PRR16: variants seen among roughly 807,000 people sequenced by gnomAD.
The protein encoded by PRR16 is protein Largen.
A neutral mutation model predicts 18.2 loss-of-function variants in PRR16; 6 were observed. The observed-to-expected ratio is 0.33, with a 90% confidence interval of 0.18 to 0.65. PRR16 has a LOEUF of 0.65. PRR16 is among the 30% of genes least tolerant of loss of function. PRR16 has a pLI of 0.74. For missense variants in PRR16, 412 were observed against 376.6 expected (o/e 1.09, Z -0.78); for synonymous variants, 151 against 147.8 (o/e 1.02, Z -0.16).
chr5:120,755,344 G>C, the PRR16 span, among the ~76,000 whole-genome samples: 1 of 152,026 alleles, frequency 6.6e-6, no homozygotes, highest in East Asian at 1.9e-4. Context: ...CAGGTACTGG[G>C]CATAGTATCC....
At chr5:120,728,760 G>T in the PRR16 span, among the ~76,000 whole-genome samples, 1 of 152,070 alleles carries the variant, frequency 6.6e-6, no homozygotes, top group Non-Finnish European at 1.5e-5. Flanking sequence ...CTAATTTTTG[G>T]CATTGTTTAC....
intron 1 of PRR16, among the ~76,000 whole-genome samples, chr5:120,548,068 C>T (rs546941290): frequency 6.6e-5 from 10 of 151,956 alleles, no homozygotes; most frequent in Non-Finnish European, 1.3e-4. Flanking sequence ...TAAAGAGATA[C>T]TGAGGACAGT....
chr5:120,503,694 A>T (rs929769824), intron 1 of PRR16, among the ~76,000 whole-genome samples: 70 of 146,832 alleles, frequency 4.8e-4, no homozygotes, highest in Middle Eastern at 3.8e-3. Context: ...AATGTGCAGG[A>T]TAGTTACATA....
At chr5:120,718,620 T>C in the PRR16 span, among the ~76,000 whole-genome samples, 1 of 152,030 alleles carries the variant, frequency 6.6e-6, no homozygotes, top group African/African-American at 2.4e-5. Flanking sequence ...CCTAAAGTTG[T>C]TAGAAATAGA....
chr5:120,576,156 A>G (rs1270077622), intron 1 of PRR16, among the ~76,000 whole-genome samples: 1 of 152,190 alleles, frequency 6.6e-6, no homozygotes, highest in Non-Finnish European at 1.5e-5. Context: ...AGGCAACAAA[A>G]GCGAAGACAA....
At chr5:120,735,068 A>G in the PRR16 span, among the ~76,000 whole-genome samples, 1 of 152,170 alleles carries the variant, frequency 6.6e-6, no homozygotes, top group South Asian at 2.1e-4. Flanking sequence ...TTCTGTTTCT[A>G]TGAATTTAAC....
At chr5:120,543,239 C>T (rs910357586) in intron 1 of PRR16, among the ~76,000 whole-genome samples, 65 of 152,112 alleles carry the variant, frequency 4.3e-4, no homozygotes, top group African/African-American at 1.4e-3. Context: ...ACGTCAAAAA[C>T]GGATGAAAAC....
chr5:120,791,620 T>TATCTATCTATCC, the PRR16 span, among the ~76,000 whole-genome samples: 896 of 136,326 alleles, frequency 6.6e-3, 7 homozygotes, highest in Non-Finnish European at 7.5e-3. Context: ...TCTATCTATC[T>TATCTATCTATCC]ATCCATCCAT....
intron 1 of PRR16, among the ~76,000 whole-genome samples, chr5:120,507,239 T>A (rs893309212): frequency 2.0e-5 from 3 of 152,144 alleles, no homozygotes; most frequent in Non-Finnish European, 2.9e-5. Flanking sequence ...ATCTACAATA[T>A]TTAAAGATTT....
chr5:120,783,943 C>A, the PRR16 span, among the ~76,000 whole-genome samples: 1 of 152,096 alleles, frequency 6.6e-6, no homozygotes, highest in African/African-American at 2.4e-5. Context: ...TAAGCTCCCA[C>A]CTATGAACGA....
chr5:120,714,316 T>A, the PRR16 span, among the ~76,000 whole-genome samples: 1 of 152,176 alleles, frequency 6.6e-6, no homozygotes, highest in African/African-American at 2.4e-5. Context: ...CAAAATCACC[T>A]TTTGCCAACA....
At chr5:120,584,455 T>C (rs1169284612) in intron 1 of PRR16, among the ~76,000 whole-genome samples, 2 of 152,212 alleles carry the variant, frequency 1.3e-5, no homozygotes, top group Non-Finnish European at 1.5e-5. Context: ...AGTTGATTAA[T>C]AGACTAAACA....
At chr5:120,621,839 C>T (rs1453720010) in intron 1 of PRR16, among the ~76,000 whole-genome samples, 1 of 152,184 alleles carries the variant, frequency 6.6e-6, no homozygotes, top group Non-Finnish European at 1.5e-5. Flanking sequence ...TCAATTGAAC[C>T]TCTTTCCTTT....
At chr5:120,531,225 GT>G (rs1289996053) in intron 1 of PRR16, among the ~76,000 whole-genome samples, 1 of 152,098 alleles carries the variant, frequency 6.6e-6, no homozygotes, top group Non-Finnish European at 1.5e-5. Context: ...CTCTTTAGTG[GT>G]GGTAGTTTTA....
intron 1 of PRR16, among the ~76,000 whole-genome samples, chr5:120,562,231 T>C (rs567936879): frequency 1.3e-5 from 2 of 152,150 alleles, no homozygotes; most frequent in Non-Finnish European, 2.9e-5. Flanking sequence ...CATTATATAA[T>C]GGCCTCCTTT....
chr5:120,574,548 A>G lies in PRR16; in HGVS notation c.159+109903A>G, dbSNP rs1753013710. The stretch of plus-strand genomic sequence containing the variant: ...GAACCCGAGAGGCAGAGGTTGCAGA[A>G]TCAAGATCATGCCATTGCACTCCAA... On this transcript the variant is annotated intron_variant, in intron 1 of 1. Transcript: ENST00000407149. Among the ~76,000 whole-genome samples, 2 of 136,344 alleles carry G rather than the reference A, an allele frequency of 1.5e-5. 1 individual carries two copies. The highest frequency in any genetic ancestry group is 7.5e-5 in the African/African-American group (2 of 26,696). 89.4% of individuals were successfully genotyped at this position (136,344 alleles called of 152,430 possible).
chr5:120,761,970 A>G, the PRR16 span, among the ~76,000 whole-genome samples: 3 of 152,138 alleles, frequency 2.0e-5, no homozygotes, highest in Non-Finnish European at 4.4e-5. Flanking sequence ...GAAAATATGC[A>G]ATGTTCATCT....
intron 1 of PRR16, among the ~76,000 whole-genome samples, chr5:120,659,192 C>T (rs970842493): frequency 6.6e-6 from 1 of 151,898 alleles, no homozygotes; most frequent in Admixed American, 6.6e-5. Flanking sequence ...ATTCCAGGAC[C>T]TAGTAGTTGT....
chr5:120,501,422 T>C (rs1381183702), intron 1 of PRR16, among the ~76,000 whole-genome samples: 1 of 151,748 alleles, frequency 6.6e-6, no homozygotes, highest in African/African-American at 2.4e-5. Flanking sequence ...CACACACACA[T>C]ACACACACAC....
Sources: gnomAD v4.1 joint callset for allele counts (sites outside exome capture counted in the v4.1 genomes callset) on GRCh38, gnomAD v4.1.1 for gene constraint, MANE v1.5 for transcripts, NCBI Gene and HGNC (gene_info 2026-07-23, HGNC 2026-07-21) for gene names.